TCAF2: variants seen among roughly 807,000 people sequenced by gnomAD.
The protein encoded by TCAF2 is TRPM8 channel-associated factor 2.
In TCAF2, 6 loss-of-function variants were observed where a neutral mutation model predicts 33.9. The observed-to-expected ratio is 0.18, with a 90% CI of 0.10 to 0.35. TCAF2 has a LOEUF of 0.35. TCAF2 is among the 10% of genes least tolerant of loss of function. The probability of loss-of-function intolerance (pLI) is 1.00; values close to 1 mark genes in which losing one functional copy is unlikely to be tolerated. For synonymous variants in TCAF2, 41 were observed against 247.8 expected (o/e 0.17, Z 7.84); for missense variants, 109 against 604.0 (o/e 0.18, Z 8.59).
intron 7 of TCAF2, chr7:143,724,899 T>C: frequency 7.1e-7 from 1 of 1,400,592 alleles, no homozygotes; most frequent in South Asian, 1.6e-5. Flanking sequence ...CCTGTCTCAC[T>C]CACCTTCTGA....
Position 143,720,103 on chromosome 7 carries a change from G to T in TCAF2, c.1044G>T (p.Gln348His), listed in dbSNP as rs759714870. The part of the protein sequence containing the change: ...AYSDKEAKQL[Q>H]EFVAEGGGLL... ...GTGACAAGGAGGCTAAGCAGCTGCA[G>T]GAGTTTGTGGCTGAGGGTGGGGGGC... The change falls in exon 3 of 8, where the codon CAG (glutamine) becomes CAT (histidine). Residue 348 changes from glutamine to histidine, a missense_variant. Gln to His is a conservative substitution (Grantham distance 24). Coordinates refer to ENST00000684770, the MANE Select transcript of TCAF2 (RefSeq NM_001363538.2). The T allele has an allele frequency of 6.2e-7, 1 of 1,603,288 alleles. No individual in the cohort carries two copies. Among genetic ancestry groups the T allele is most frequent in the Admixed American group, 1.7e-5 (1 of 59,578 alleles).
At chr7:143,638,019 C>T (rs1282528996) in intron 1 of TCAF2, among the ~76,000 whole-genome samples, 1 of 20,934 alleles carries the variant, frequency 4.8e-5, no homozygotes, top group Non-Finnish European at 9.7e-5. Flanking sequence ...AAACATTTAA[C>T]TTCTTCATAT....
rs1809746523 is a variant in TCAF2, at chr7:143,728,878, T to C, written c.*1211T>C. ...CTAGCTACTTTCTCCAGTTTACTTTTAGACCATATTGTTGTTTGTTTTGAA... is the reference window on the plus strand; with the variant it reads ...CTAGCTACTTTCTCCAGTTTACTTTCAGACCATATTGTTGTTTGTTTTGAA... On this transcript the variant is annotated 3_prime_UTR_variant, in exon 8 of 8. Transcript: ENST00000684770. 1 of 152,234 alleles carries C rather than the reference T, an allele frequency of 6.6e-6. No homozygotes were observed. The highest frequency in any genetic ancestry group is 6.5e-5 in the Admixed American group (1 of 15,284). The allele number at this position is 152,234 out of a possible 1,614,324, so 9.4% of individuals were successfully genotyped here. A position where few individuals can be genotyped will look rare whatever the true frequency, so the allele number is the denominator to read the frequency against.
intron 7 of TCAF2, among the ~76,000 whole-genome samples, chr7:143,726,042 C>T: frequency 6.6e-6 from 1 of 152,078 alleles, no homozygotes; most frequent in Non-Finnish European, 1.5e-5. Context: ...AATGTTAATA[C>T]TCTGTCTATC....
intron 2 of TCAF2, among the ~76,000 whole-genome samples, chr7:143,718,552 A>G (rs1371162240): frequency 3.3e-5 from 5 of 151,656 alleles, no homozygotes; most frequent in African/African-American, 2.4e-5. Flanking sequence ...ATTGTTAACC[A>G]TAATTTATTT....
At chr7:143,648,535 A>C (rs1809112959) in intron 1 of TCAF2, among the ~76,000 whole-genome samples, 1 of 132,976 alleles carries the variant, frequency 7.5e-6, no homozygotes, top group Non-Finnish European at 1.7e-5. Context: ...CCAAATCTGG[A>C]CTCTCCGTAG....
rs751431501 is a variant in TCAF2, at chr7:143,724,532, C to A, written c.2340C>A (p.Asn780Lys). The A allele has an allele frequency of 1.9e-5, 30 of 1,610,792 alleles. 1 individual carries two copies. Among genetic ancestry groups the A allele is most frequent in the Non-Finnish European group, 5.9e-6 (7 of 1,179,446 alleles). Reference sequence around the variant, plus strand: ...CACACACTACTGAGGCCACCTGTAACCTTTGGTCAGTCTACGTGCATGAAA... The same window carrying A: ...CACACACTACTGAGGCCACCTGTAAACTTTGGTCAGTCTACGTGCATGAAA... ...FPPHTTEATC[N>K]LWSVYVHETV... The change falls in exon 7 of 8, where the codon AAC (asparagine) becomes AAA (lysine). Residue 780 changes from asparagine (N) to lysine (K), a missense_variant. Asn to Lys is a moderately conservative substitution (Grantham distance 94). Transcript: ENST00000684770.
In TCAF2 at chr7:143,729,518, T is replaced by G. The variant is rs954312524; in HGVS notation, c.*1851T>G. The G allele has an allele frequency of 3.9e-5, 6 of 152,144 alleles. No individual in the cohort carries two copies. Among genetic ancestry groups the G allele is most frequent in the Non-Finnish European group, 1.5e-5 (1 of 68,032 alleles). The allele number at this position is 152,144 out of a possible 1,614,324, so 9.4% of individuals were successfully genotyped here. ...CTGATTTTCTGCCTGCCTCAGAATG[T>G]GATTTGTCTGCCTTTGGGTCATCCA... On this transcript the variant is annotated 3_prime_UTR_variant, in exon 8 of 8. Transcript: ENST00000684770.
rs1809768661 is a variant in TCAF2, at chr7:143,729,632, T to A, written c.*1965T>A. On this transcript the variant is annotated 3_prime_UTR_variant, in exon 8 of 8. Coordinates refer to ENST00000684770, the MANE Select transcript of TCAF2 (RefSeq NM_001363538.2). ...TTTTTCATTTAAGTTCTGGGATACA[T>A]GTGCAGAACGTGCAGGTTTGTTACA... The A allele has an allele frequency of 6.6e-6, 1 of 152,006 alleles. No individual in the cohort carries two copies. The highest frequency in any genetic ancestry group is 1.5e-5 in the Non-Finnish European group (1 of 68,028). 9.4% of individuals were successfully genotyped at this position (152,006 alleles called of 1,614,324 possible).
In TCAF2 at chr7:143,729,599, C is replaced by G. The variant is rs903000689; in HGVS notation, c.*1932C>G. The G allele has an allele frequency of 6.9e-6, 1 of 144,170 alleles. No homozygotes were observed. Among genetic ancestry groups the G allele is most frequent in the Non-Finnish European group, 1.5e-5 (1 of 65,274 alleles). The allele number at this position is 144,170 out of a possible 1,614,324, so 8.9% of individuals were successfully genotyped here. The stretch of plus-strand genomic sequence containing the variant: ...GAAATTCAACTCCAGAACTGATGTT[C>G]TTTTTTTTTTTTCATTTAAGTTCTG... On this transcript the variant is annotated 3_prime_UTR_variant, in exon 8 of 8. Transcript: ENST00000684770.
At position 143,728,859 on chromosome 7, in the gene TCAF2, A is replaced by G. The variant is rs1240463897; in HGVS notation, c.*1192A>G. On this transcript the variant is annotated 3_prime_UTR_variant, in exon 8 of 8. Transcript: ENST00000684770. ...GGGATTAATGAGTGTATGCCTAGCT[A>G]CTTTCTCCAGTTTACTTTTAGACCA... 1.3e-5 allele frequency: 2 copies of G among 152,174 alleles called. No individual in the cohort carries two copies. The highest frequency in any genetic ancestry group is 2.9e-5 in the Non-Finnish European group (2 of 68,044). The allele number at this position is 152,174 out of a possible 1,614,324, so 9.4% of individuals were successfully genotyped here. A position where few individuals can be genotyped will look rare whatever the true frequency, so the allele number is the denominator to read the frequency against.
intron 1 of TCAF2, among the ~76,000 whole-genome samples, chr7:143,701,762 CTTTAT>C (rs796928755): frequency 0.42 from 40,764 of 95,934 alleles, 7,761 homozygotes; most frequent in East Asian, 0.48. Context: ...TTTTATTTTA[CTTTAT>C]TTTATTTTAT....
Position 143,711,739 on chromosome 7 carries a change from TATGA to T in TCAF2, c.624-7938_624-7935del, listed in dbSNP as rs2116504295. ...TAAACTATATAAATTAATGAAAAAA[TATGA>T]ATGAACACACATCCAAAACCATAAC... On this transcript the variant is annotated intron_variant, in intron 2 of 7. Coordinates refer to ENST00000684770, the MANE Select transcript of TCAF2 (RefSeq NM_001363538.2). Among the ~76,000 whole-genome samples, 2 of 100,842 alleles carry T rather than the reference TATGA, an allele frequency of 2.0e-5. 1 individual carries two copies. Among genetic ancestry groups the T allele is most frequent in the African/African-American group, 6.3e-5 (2 of 31,558 alleles). 66.2% of individuals were successfully genotyped at this position (100,842 alleles called of 152,430 possible). A position where few individuals can be genotyped will look rare whatever the true frequency, so the allele number is the denominator to read the frequency against.
chr7:143,707,319 G>A (rs1809236271), intron 2 of TCAF2, among the ~76,000 whole-genome samples: 1 of 117,782 alleles, frequency 8.5e-6, no homozygotes, highest in Non-Finnish European at 1.7e-5. Flanking sequence ...AACAGACTGA[G>A]ACTCTGTCTC....
chr7:143,637,842 ATAAGTTGC>A (rs1348576572), intron 1 of TCAF2, among the ~76,000 whole-genome samples: 1 of 125,884 alleles, frequency 7.9e-6, no homozygotes, highest in African/African-American at 2.9e-5. Context: ...TGTGTCTTCC[ATAAGTTGC>A]ATCACCAAGT....
At chr7:143,714,046 G>C (rs1809350111) in intron 2 of TCAF2, among the ~76,000 whole-genome samples, 1 of 42,688 alleles carries the variant, frequency 2.3e-5, no homozygotes, top group South Asian at 1.9e-3. Flanking sequence ...TGCCCATATT[G>C]TTCAGTGATG....
In TCAF2 at chr7:143,724,600, G is replaced by A; in HGVS notation, c.2408G>A (p.Ser803Asn). The change falls in exon 7 of 8, where the codon AGC becomes AAC. Residue 803 changes from serine (S) to asparagine (N), a missense_variant. Transcript: ENST00000684770. The part of the protein sequence containing the change: ...IPRAQAHEAL[S>N]PPERERRIKA... ...AGGGCTCAGGCCCACGAGGCTCTGA[G>A]CCCTCCAGAGCGAGAGAGGAGAATC... The A allele has an allele frequency of 1.9e-6, 3 of 1,610,976 alleles. No homozygotes were observed. Among genetic ancestry groups the A allele is most frequent in the Non-Finnish European group, 1.7e-6 (2 of 1,179,602 alleles).
At chr7:143,646,893 T>C in intron 1 of TCAF2, 1 of 88,758 alleles carries the variant, frequency 1.1e-5, no homozygotes, top group South Asian at 1.1e-4. Context: ...TGTGCAGGGA[T>C]ATGTAAGCAG....
chr7:143,730,095 T>C lies in TCAF2; in HGVS notation c.*2428T>C, dbSNP rs1809779984. 1 of 152,190 alleles carries C rather than the reference T, an allele frequency of 6.6e-6. No individual in the cohort carries two copies. The allele number at this position is 152,190 out of a possible 1,614,324, so 9.4% of individuals were successfully genotyped here. On this transcript the variant is annotated 3_prime_UTR_variant, in exon 8 of 8. Transcript: ENST00000684770. ...GTGTGCATGTGTCTTTATAGTAGAA[T>C]GGTTTATAGTCCTTTGGGTGTATAT...
Sources: gnomAD v4.1 joint callset for allele counts (sites outside exome capture counted in the v4.1 genomes callset) on GRCh38, gnomAD v4.1.1 for gene constraint, MANE v1.5 for transcripts, NCBI Gene and HGNC (gene_info 2026-07-23, HGNC 2026-07-21) for gene names.